The following CFAP210 variants were observed in gnomAD, a reference collection of about 807,000 sequenced individuals.
CFAP210 encodes cilia and flagella associated protein 210, also known as cilia- and flagella- associated protein 210.
At chr2:169,679,368 C>A in the CFAP210 span, among the ~76,000 whole-genome samples, 1 of 152,122 alleles carries the variant, frequency 6.6e-6, no homozygotes, top group African/African-American at 2.4e-5. Context: ...TCCTCCCACC[C>A]TCCTCCATCC....
At chr2:169,672,810 A>C in the CFAP210 span, among the ~76,000 whole-genome samples, 1 of 152,078 alleles carries the variant, frequency 6.6e-6, no homozygotes, top group Admixed American at 6.5e-5. Context: ...TGACACCCTC[A>C]CAGACACACC....
At chr2:169,689,367 T>C in the CFAP210 span, among the ~76,000 whole-genome samples, 1 of 152,238 alleles carries the variant, frequency 6.6e-6, no homozygotes, top group Non-Finnish European at 1.5e-5. Flanking sequence ...TAAAAACTTT[T>C]CCTAAGTATT....
the CFAP210 span, among the ~76,000 whole-genome samples, chr2:169,690,480 T>C: frequency 6.6e-6 from 1 of 152,110 alleles, no homozygotes; most frequent in Admixed American, 6.5e-5. Flanking sequence ...CTGGCCAACA[T>C]GGCGAAACCC....
the CFAP210 span, chr2:169,674,527 A>G: frequency 2.8e-6 from 4 of 1,426,110 alleles, no homozygotes; most frequent in Admixed American, 2.6e-5. Flanking sequence ...AGCTACATCC[A>G]TTATGAGAAA....
At chr2:169,654,253 A>T in the CFAP210 span, 1 of 1,504,412 alleles carries the variant, frequency 6.6e-7, no homozygotes, top group Non-Finnish European at 8.9e-7. Flanking sequence ...TATCACAAAG[A>T]AAAATATCTT....
At chr2:169,671,625 T>C in the CFAP210 span, among the ~76,000 whole-genome samples, 3 of 152,156 alleles carry the variant, frequency 2.0e-5, no homozygotes. Flanking sequence ...TGTGCCACCA[T>C]GCTTGGCTAA....
the CFAP210 span, chr2:169,648,245 T>C: frequency 3.1e-5 from 6 of 191,910 alleles, no homozygotes; most frequent in Non-Finnish European, 6.5e-5. Flanking sequence ...ATGAGGTACC[T>C]AGAATAATCA....
At chr2:169,681,376 A>C in the CFAP210 span, 3 of 713,852 alleles carry the variant, frequency 4.2e-6, no homozygotes, top group East Asian at 8.2e-5. Flanking sequence ...AACAGCTATG[A>C]TTAAGTGAAA....
chr2:169,692,483 A>C, the CFAP210 span, among the ~76,000 whole-genome samples: 4 of 141,886 alleles, frequency 2.8e-5, no homozygotes, highest in Non-Finnish European at 3.0e-5. Flanking sequence ...CACACACACC[A>C]CACAGAGACA....
the CFAP210 span, among the ~76,000 whole-genome samples, chr2:169,646,377 C>T: frequency 6.6e-6 from 1 of 152,030 alleles, no homozygotes; most frequent in Non-Finnish European, 1.5e-5. Context: ...GCAATGAAAC[C>T]TTTATTAATA....
At chr2:169,667,149 T>C in the CFAP210 span, among the ~76,000 whole-genome samples, 1 of 151,474 alleles carries the variant, frequency 6.6e-6, no homozygotes, top group South Asian at 2.1e-4. Flanking sequence ...TTTCTTTTTT[T>C]TTTTTTTTGA....
chr2:169,658,746 G>T, the CFAP210 span: 5 of 320,088 alleles, frequency 1.6e-5, no homozygotes, highest in South Asian at 1.5e-4. Context: ...AATTTGCTTG[G>T]AGTTAGTCTG....
At chr2:169,650,390 C>G in the CFAP210 span, 1 of 1,600,180 alleles carries the variant, frequency 6.2e-7, no homozygotes, top group East Asian at 2.2e-5. Flanking sequence ...ATCTTTTTCT[C>G]TTTCTCTTTT....
the CFAP210 span, among the ~76,000 whole-genome samples, chr2:169,657,574 C>T: frequency 5.9e-5 from 9 of 151,906 alleles, no homozygotes; most frequent in Middle Eastern, 3.4e-3. Context: ...AAAAATTAGC[C>T]GGGTATGTGG....
chr2:169,679,703 AG>A, the CFAP210 span, among the ~76,000 whole-genome samples: 2 of 146,414 alleles, frequency 1.4e-5, no homozygotes, highest in South Asian at 4.8e-4. Context: ...AAAAAAAAAA[AG>A]GTGCCAGTGT....
chr2:169,662,467 C>T, the CFAP210 span: 1 of 1,530,410 alleles, frequency 6.5e-7, no homozygotes. Context: ...TAATTGAGAA[C>T]AAAGCAGAAA....
the CFAP210 span, among the ~76,000 whole-genome samples, chr2:169,688,830 T>G: frequency 2.0e-5 from 3 of 152,238 alleles, no homozygotes; most frequent in South Asian, 6.2e-4. Flanking sequence ...CTCTGCCTGT[T>G]ACCCAGTGCC....
At chr2:169,684,509 C>G in the CFAP210 span, among the ~76,000 whole-genome samples, 11 of 152,316 alleles carry the variant, frequency 7.2e-5, no homozygotes, top group East Asian at 1.9e-3. Context: ...CTTTCTGGCT[C>G]TACGGATTTG....
chr2:169,652,707 A>T, the CFAP210 span, among the ~76,000 whole-genome samples: 2 of 152,012 alleles, frequency 1.3e-5, no homozygotes, highest in African/African-American at 4.8e-5. Flanking sequence ...AAATAGTTTT[A>T]AAAAATAGCC....
Sources: gnomAD v4.1 joint callset for allele counts (sites outside exome capture counted in the v4.1 genomes callset) on GRCh38, gnomAD v4.1.1 for gene constraint, MANE v1.5 for transcripts, NCBI Gene and HGNC (gene_info 2026-07-23, HGNC 2026-07-21) for gene names.